Variants in NSUN6 observed in about 807,000 individuals in gnomAD.
The protein encoded by NSUN6 is NOP2/Sun RNA methyltransferase 6, also known as tRNA (cytosine(72)-C(5))-methyltransferase NSUN6.
A neutral mutation model predicts 58.0 loss-of-function variants in NSUN6; 64 were observed. That is an observed-to-expected ratio of 1.10 (90% CI 0.90 to 1.36). The LOEUF (loss-of-function observed/expected upper bound fraction) is 1.36, where lower values mean the gene tolerates loss of function less well. Among genes scored for constraint, NSUN6 ranks in the 40% most tolerant of loss-of-function variants. The probability of loss-of-function intolerance (pLI) is 0.00; values close to 1 mark genes in which losing one functional copy is unlikely to be tolerated. For missense variants in NSUN6, 701 were observed against 550.1 expected (o/e 1.27, Z -2.74); for synonymous variants, 231 against 193.9 (o/e 1.19, Z -1.59).
intron 8 of NSUN6, among the ~76,000 whole-genome samples, chr10:18,562,787 T>TGGAATGGAATGGAGAAA (rs1554852988): frequency 1.4e-5 from 2 of 142,862 alleles, no homozygotes; most frequent in African/African-American, 5.3e-5. Flanking sequence ...GATAATGGAA[T>TGGAATGGAATGGAGAAA]GGAATGGAGT....
intron 6 of NSUN6, among the ~76,000 whole-genome samples, chr10:18,603,509 C>T (rs1477954503): frequency 2.7e-5 from 4 of 148,236 alleles, no homozygotes; most frequent in East Asian, 2.0e-4. Context: ...TCGCTCTTGT[C>T]GCCCAGGCTG....
chr10:18,573,172 GTCCATTCCACTGCATTC>G lies in NSUN6; in HGVS notation c.922+12760_922+12776del, dbSNP rs1274205191. On this transcript the variant is annotated intron_variant, in intron 8 of 10. Transcript: ENST00000377304. ...CCATTTCATTCCATTCCATTCCACT[GTCCATTCCACTGCATTC>G]TCCATTCCACTCCATTCTCCACTCC... Among the ~76,000 whole-genome samples the G allele has an allele frequency of 2.9e-5, 4 of 137,468 alleles. 1 individual carries two copies. The highest frequency in any genetic ancestry group is 1.1e-4 in the African/African-American group (4 of 36,366). The allele number at this position is 137,468 out of a possible 152,430, so 90.2% of individuals were successfully genotyped here.
At chr10:18,575,245 C>T (rs538910437) in intron 8 of NSUN6, among the ~76,000 whole-genome samples, 2 of 152,222 alleles carry the variant, frequency 1.3e-5, no homozygotes, top group Admixed American at 1.3e-4. Flanking sequence ...TAAATAGTTG[C>T]TTAGTATATA....
At chr10:18,622,586 C>T (rs1042316286) in intron 3 of NSUN6, among the ~76,000 whole-genome samples, 23 of 152,240 alleles carry the variant, frequency 1.5e-4, no homozygotes, top group African/African-American at 5.1e-4. Flanking sequence ...TGGTGGCAGA[C>T]GCCTGTAATT....
At position 18,651,258 on chromosome 10, in the gene NSUN6, T is replaced by C; in HGVS notation, c.-55A>G. 2.7e-6 allele frequency: 4 copies of C among 1,494,278 alleles called. No individual in the cohort carries two copies. The highest frequency in any genetic ancestry group is 2.7e-6 in the Non-Finnish European group (3 of 1,126,650). The allele number at this position is 1,494,278 out of a possible 1,614,324, so 92.6% of individuals were successfully genotyped here. On this transcript the variant is annotated 5_prime_UTR_variant, in exon 1 of 11. Coordinates refer to ENST00000377304, the MANE Select transcript of NSUN6 (RefSeq NM_182543.5). ...GAAATGCTGGAAAACGGTGTTTTGT[T>C]TTTTTTTTTCTTTCCGAATTAATAG...
intron 3 of NSUN6, among the ~76,000 whole-genome samples, chr10:18,635,327 A>G (rs1053909200): frequency 7.2e-5 from 11 of 152,260 alleles, no homozygotes; most frequent in Admixed American, 6.5e-4. Flanking sequence ...CTTAGCCATT[A>G]GTGTGACTGT....
chr10:18,619,363 T>A (rs951260496), intron 3 of NSUN6, among the ~76,000 whole-genome samples: 2 of 152,198 alleles, frequency 1.3e-5, no homozygotes, highest in African/African-American at 4.8e-5. Flanking sequence ...CCAACCTATA[T>A]CCTAAGGCAA....
In NSUN6 at chr10:18,547,479, T is replaced by C. The variant is rs548752306; in HGVS notation, c.1197+633A>G. On this transcript the variant is annotated intron_variant, in intron 10 of 10. Coordinates refer to ENST00000377304, the MANE Select transcript of NSUN6 (RefSeq NM_182543.5). ...TTTCTGTATAGAAAGGTACTAAAGTTAGATGCTCAATGTATCTGAATGTAT... is the reference window on the plus strand; with the variant it reads ...TTTCTGTATAGAAAGGTACTAAAGTCAGATGCTCAATGTATCTGAATGTAT... Among the ~76,000 whole-genome samples, 7 of 152,310 alleles carry C rather than the reference T, an allele frequency of 4.6e-5. No homozygotes were observed. In the South Asian group the frequency reaches 1.0e-3, roughly 23 times the overall value.
At chr10:18,602,026 T>C (rs1400498957) in intron 6 of NSUN6, among the ~76,000 whole-genome samples, 1 of 151,840 alleles carries the variant, frequency 6.6e-6, no homozygotes, top group Non-Finnish European at 1.5e-5. Flanking sequence ...AGAGTGGCTT[T>C]GTGAGACAGG....
intron 8 of NSUN6, among the ~76,000 whole-genome samples, chr10:18,559,791 C>T (rs372785001): frequency 4.9e-5 from 6 of 122,174 alleles, no homozygotes; most frequent in Non-Finnish European, 7.0e-5. Flanking sequence ...GGAATGGAAG[C>T]GAATGGAGAA....
chr10:18,608,314 A>G (rs760433962), intron 6 of NSUN6, among the ~76,000 whole-genome samples: 15 of 141,516 alleles, frequency 1.1e-4, no homozygotes, highest in African/African-American at 3.3e-4. Context: ...AATCTGCACT[A>G]TACTAGATTT....
At position 18,630,206 on chromosome 10, in the gene NSUN6, C is replaced by T. The variant is rs929289102; in HGVS notation, c.311+12270G>A. Among the ~76,000 whole-genome samples, 9 of 147,022 alleles carry T rather than the reference C, an allele frequency of 6.1e-5. No homozygotes were observed. The East Asian group carries it at 8.0e-4, about 13-fold the overall frequency. On this transcript the variant is annotated intron_variant, in intron 3 of 10. Coordinates refer to ENST00000377304, the MANE Select transcript of NSUN6 (RefSeq NM_182543.5). Reference sequence around the variant, plus strand: ...AAATAAAGATGTTCTTTGAAACCAACGAGAACAAAGACACAACATACCAGA... The same window carrying T: ...AAATAAAGATGTTCTTTGAAACCAATGAGAACAAAGACACAACATACCAGA...
At chr10:18,567,805 C>T (rs543814395) in intron 8 of NSUN6, among the ~76,000 whole-genome samples, 1 of 151,016 alleles carries the variant, frequency 6.6e-6, no homozygotes, top group African/African-American at 2.4e-5. Context: ...TTCTTCATTC[C>T]ATTCTCCATT....
At chr10:18,567,287 A>G (rs1162808835) in intron 8 of NSUN6, among the ~76,000 whole-genome samples, 1 of 144,448 alleles carries the variant, frequency 6.9e-6, no homozygotes, top group Non-Finnish European at 1.5e-5. Flanking sequence ...ATTCCATTCC[A>G]TTTTCTATAC....
At position 18,575,766 on chromosome 10, in the gene NSUN6, T is replaced by C. The variant is rs569727942; in HGVS notation, c.922+10183A>G. Reference sequence around the variant, plus strand: ...GTCTTTCTCCTTATGAGATGCTCTATGGATTGCCTTATTTACACTCCGCTG... The same window carrying C: ...GTCTTTCTCCTTATGAGATGCTCTACGGATTGCCTTATTTACACTCCGCTG... On this transcript the variant is annotated intron_variant, in intron 8 of 10. Transcript: ENST00000377304. Among the ~76,000 whole-genome samples, 13 of 152,362 alleles carry C rather than the reference T, an allele frequency of 8.5e-5. No individual in the cohort carries two copies. The East Asian group carries it at 1.9e-3, about 23-fold the overall frequency.
chr10:18,613,576 C>T (rs966872244), intron 5 of NSUN6, among the ~76,000 whole-genome samples: 2 of 152,196 alleles, frequency 1.3e-5, no homozygotes, highest in African/African-American at 2.4e-5. Context: ...TTACCAATTA[C>T]AGGTCCAAAG....
intron 8 of NSUN6, among the ~76,000 whole-genome samples, chr10:18,572,519 C>T (rs1221366165): frequency 4.8e-5 from 7 of 146,238 alleles, no homozygotes; most frequent in African/African-American, 1.5e-4. Context: ...TGCATTCCAT[C>T]TCCATTCCCT....
At chr10:18,548,335 G>T in intron 9 of NSUN6, 98 bp from the exon 10 acceptor site, 2 of 1,076,396 alleles carry the variant, frequency 1.9e-6, no homozygotes, top group Non-Finnish European at 2.6e-6. Context: ...AAATGTTTGG[G>T]ATAAATAAAA....
chr10:18,611,113 T>G (rs905635784), intron 5 of NSUN6, among the ~76,000 whole-genome samples: 1 of 152,012 alleles, frequency 6.6e-6, no homozygotes, highest in Non-Finnish European at 1.5e-5. Flanking sequence ...GAGGGATCCC[T>G]TGAACCCAGG....
Sources: gnomAD v4.1 joint callset for allele counts (sites outside exome capture counted in the v4.1 genomes callset) on GRCh38, gnomAD v4.1.1 for gene constraint, MANE v1.5 for transcripts, NCBI Gene and HGNC (gene_info 2026-07-23, HGNC 2026-07-21) for gene names.